CSMD3: variants seen among roughly 807,000 people sequenced by gnomAD.
The protein encoded by CSMD3 is CUB and sushi domain-containing protein 3.
In CSMD3, 177 loss-of-function variants were observed where a neutral mutation model predicts 435.2. That is an observed-to-expected ratio of 0.41 (90% CI 0.36 to 0.46). CSMD3 has a LOEUF of 0.46. CSMD3 is among the 20% of genes least tolerant of loss of function. The pLI is 0.34. For missense variants in CSMD3, 4,265 were observed against 4,504.6 expected (o/e 0.95, Z 1.52); for synonymous variants, 1,656 against 1,520.5 (o/e 1.09, Z -2.07).
intron 1 of CSMD3, among the ~76,000 whole-genome samples, chr8:113,373,081 C>CTTCAACGG (rs2094357114): frequency 6.6e-6 from 1 of 152,004 alleles, no homozygotes; most frequent in Non-Finnish European, 1.5e-5. Flanking sequence ...TTCATTTAAT[C>CTTCAACGG]TTCAACGGGA....
intron 1 of CSMD3, among the ~76,000 whole-genome samples, chr8:113,348,171 A>T (rs2094164458): frequency 6.6e-6 from 1 of 152,198 alleles, no homozygotes; most frequent in African/African-American, 2.4e-5. Flanking sequence ...TAGAATCTTC[A>T]ATTATCATCA....
At chr8:113,080,106 G>A (rs72683892) in intron 5 of CSMD3, among the ~76,000 whole-genome samples, 10,154 of 152,026 alleles carry the variant, frequency 0.067, 455 homozygotes, top group Non-Finnish European at 0.095. Context: ...TTATTTAGCC[G>A]TTAACATGTT....
chr8:112,287,068 G>A lies in CSMD3; in HGVS notation c.9327C>T (p.Cys3109=), dbSNP rs2130632805. 1 of 1,612,698 alleles carries A rather than the reference G, an allele frequency of 6.2e-7. No individual in the cohort carries two copies. The highest frequency in any genetic ancestry group is 1.1e-5 in the South Asian group (1 of 91,070). The change falls in exon 58 of 71, where the codon TGC becomes TGT. Residue 3109 remains cysteine (C), a synonymous_variant. Coordinates refer to ENST00000297405, the MANE Select transcript of CSMD3 (RefSeq NM_198123.2). ...TTAATTTCTGCTTGAGATTACCTTT[G>A]CACTCTGGCTGCCTTCCGGTCCAAC... is the stretch of plus-strand genomic sequence containing the variant. ...NGSWTGRQPE[C]KAVQCGNPGT...
At chr8:112,245,075 T>C (rs1164552849) in intron 64 of CSMD3, among the ~76,000 whole-genome samples, 1 of 152,090 alleles carries the variant, frequency 6.6e-6, no homozygotes, top group Non-Finnish European at 1.5e-5. Context: ...CACAGCTAAT[T>C]ATATTGCTCT....
intron 45 of CSMD3, among the ~76,000 whole-genome samples, chr8:112,334,253 T>G (rs1824359489): frequency 6.6e-6 from 1 of 152,294 alleles, no homozygotes; most frequent in East Asian, 1.9e-4. Flanking sequence ...AATTGGCTGA[T>G]AAGTGCTCAA....
intron 6 of CSMD3, among the ~76,000 whole-genome samples, chr8:112,976,982 T>C (rs2084874298): frequency 6.6e-6 from 1 of 152,070 alleles, no homozygotes; most frequent in South Asian, 2.1e-4. Flanking sequence ...TGTGTGTGTA[T>C]AATATTACCA....
intron 3 of CSMD3, among the ~76,000 whole-genome samples, chr8:113,274,428 T>C (rs1405863107): frequency 6.6e-6 from 1 of 152,106 alleles, no homozygotes; most frequent in Non-Finnish European, 1.5e-5. Context: ...TGGTAAACAA[T>C]TTCTTACTTG....
intron 3 of CSMD3, among the ~76,000 whole-genome samples, chr8:113,253,846 A>G (rs12056777): frequency 0.3 from 45,934 of 151,610 alleles, 8,082 homozygotes; most frequent in East Asian, 0.7. Context: ...TGAAAAAAAA[A>G]AAAAAAGAAA....
intron 26 of CSMD3, among the ~76,000 whole-genome samples, chr8:112,551,382 C>T (rs550017234): frequency 6.6e-6 from 1 of 151,992 alleles, no homozygotes; most frequent in Non-Finnish European, 1.5e-5. Context: ...GCTTTTGCCA[C>T]GTTTCATGTT....
rs758806075 is a variant in CSMD3, at chr8:112,921,763, T to C, written c.1509-12A>G. The C allele has an allele frequency of 5.6e-6, 9 of 1,597,044 alleles. No individual in the cohort carries two copies. Among genetic ancestry groups the C allele is most frequent in the African/African-American group, 2.7e-5 (2 of 74,430 alleles). On this transcript the variant is annotated splice_polypyrimidine_tract_variant and intron_variant, in intron 9 of 70. Coordinates refer to ENST00000297405, the MANE Select transcript of CSMD3 (RefSeq NM_198123.2). Reference sequence around the variant, plus strand: ...CAGTTGATCCAAGGCTAAAGTTAAATAAAAGAGAAAAAATATGATAAGAAA... The same window carrying C: ...CAGTTGATCCAAGGCTAAAGTTAAACAAAAGAGAAAAAATATGATAAGAAA...
chr8:112,360,168 T>C (rs1471192819), intron 38 of CSMD3, among the ~76,000 whole-genome samples: 1 of 152,024 alleles, frequency 6.6e-6, no homozygotes, highest in Non-Finnish European at 1.5e-5. Flanking sequence ...GTAAATTTAT[T>C]ACTCTTCACC....
In CSMD3 at chr8:112,314,537, G is replaced by C. The variant is rs1487102673; in HGVS notation, c.7441C>G (p.Leu2481Val). 1 of 1,611,852 alleles carries C rather than the reference G, an allele frequency of 6.2e-7. No homozygotes were observed. The highest frequency in any genetic ancestry group is 8.5e-7 in the Non-Finnish European group (1 of 1,178,108). The change falls in exon 48 of 71, where the codon CTT becomes GTT. Residue 2481 changes from leucine to valine, a missense_variant. Physicochemically the swap from Leu to Val is conservative, Grantham distance 32. Coordinates refer to ENST00000297405, the MANE Select transcript of CSMD3 (RefSeq NM_198123.2). The stretch of plus-strand genomic sequence containing the variant: ...GAAATGCTCCATGCACACATTTGAA[G>C]ATTTGGGTAACTGTCAGGATATCCA... The part of the protein sequence containing the change: ...SPGYPDSYPN[L>V]QMCAWSISVE...
chr8:112,450,697 C>T (rs2130592540), intron 32 of CSMD3, among the ~76,000 whole-genome samples: 1 of 152,220 alleles, frequency 6.6e-6, no homozygotes, highest in African/African-American at 2.4e-5. Context: ...GTACAAAGTG[C>T]TTTGAATTTA....
intron 2 of CSMD3, among the ~76,000 whole-genome samples, chr8:113,308,256 G>GTTTTTT (rs1482490822): frequency 1.3e-5 from 1 of 74,430 alleles, no homozygotes; most frequent in Non-Finnish European, 2.4e-5. Flanking sequence ...AATCATTTAA[G>GTTTTTT]TCTTTTTTTT....
At chr8:112,779,768 A>G (rs548453321) in intron 13 of CSMD3, among the ~76,000 whole-genome samples, 1 of 152,226 alleles carries the variant, frequency 6.6e-6, no homozygotes, top group East Asian at 1.9e-4. Context: ...AATGAAAATT[A>G]TCAAGATTTC....
intron 38 of CSMD3, among the ~76,000 whole-genome samples, chr8:112,364,783 T>G (rs918687543): frequency 1.3e-5 from 2 of 152,042 alleles, no homozygotes; most frequent in African/African-American, 4.8e-5. Flanking sequence ...TAAAAATGAT[T>G]ATGCATGATA....
At chr8:113,216,549 GA>G (rs1187001546) in intron 3 of CSMD3, among the ~76,000 whole-genome samples, 1 of 151,836 alleles carries the variant, frequency 6.6e-6, no homozygotes, top group Admixed American at 6.6e-5. Flanking sequence ...TGTTAAATAT[GA>G]AAAGGTAAAT....
chr8:112,690,520 G>T (rs2076108932), intron 13 of CSMD3, among the ~76,000 whole-genome samples: 1 of 150,870 alleles, frequency 6.6e-6, no homozygotes, highest in African/African-American at 2.4e-5. Context: ...AGAAATCAAT[G>T]AATACCTCTC....
At chr8:112,274,215 AG>A (rs143639057) in intron 59 of CSMD3, among the ~76,000 whole-genome samples, 4,592 of 152,072 alleles carry the variant, frequency 0.03, 231 homozygotes, top group African/African-American at 0.11. Flanking sequence ...AAAAAAAAAA[AG>A]GAAAGAGTAT....
Sources: gnomAD v4.1 joint callset for allele counts (sites outside exome capture counted in the v4.1 genomes callset) on GRCh38, gnomAD v4.1.1 for gene constraint, MANE v1.5 for transcripts, NCBI Gene and HGNC (gene_info 2026-07-23, HGNC 2026-07-21) for gene names.